The following CHRDL1 variants were observed in gnomAD, a reference collection of about 807,000 sequenced individuals.
The protein encoded by CHRDL1 is chordin-like protein 1.
In CHRDL1, 19 loss-of-function variants were observed where a neutral mutation model predicts 40.9. The ratio of observed to expected loss-of-function variants is 0.46; its 90% CI spans 0.32 to 0.68. The LOEUF is 0.68. Among genes scored for constraint, CHRDL1 ranks in the 30% least tolerant of loss-of-function variants. The pLI is 0.03. For synonymous variants in CHRDL1, 136 were observed against 123.4 expected (o/e 1.10, Z -0.68); for missense variants, 329 against 352.1 (o/e 0.93, Z 0.53).
At chrX:110,695,847 C>CT (rs1300849121) in intron 7 of CHRDL1, among the ~76,000 whole-genome samples, 1 of 111,928 alleles carries the variant, frequency 8.9e-6, no homozygotes, top group Non-Finnish European at 1.9e-5. Flanking sequence ...GTAAGAGGAC[C>CT]TTTTTTAGCC....
chrX:110,760,998 T>C lies in CHRDL1; in HGVS notation c.208-1244A>G, dbSNP rs2089553534. On this transcript the variant is annotated intron_variant, in intron 3 of 11. Coordinates refer to ENST00000372042, the MANE Select transcript of CHRDL1 (RefSeq NM_001143981.2). The stretch of plus-strand genomic sequence containing the variant: ...TGTTCTAGAGCTAATAGATTAATAA[T>C]AATAACGATGATGATGATAACCACA... Among the ~76,000 whole-genome samples the C allele has an allele frequency of 2.7e-5, 3 of 111,450 alleles. No individual in the cohort carries two copies. In the South Asian group the frequency reaches 1.1e-3, roughly 42 times the overall value.
At chrX:110,777,490 C>T (rs1360559928) in intron 2 of CHRDL1, among the ~76,000 whole-genome samples, 1 of 111,767 alleles carries the variant, frequency 8.9e-6, no homozygotes, top group Non-Finnish European at 1.9e-5. Flanking sequence ...TCCTGTTGCT[C>T]CACATCCTCA....
chrX:110,756,503 G>GT (rs1405339612), intron 4 of CHRDL1, among the ~76,000 whole-genome samples: 2,702 of 111,145 alleles, frequency 0.024, 86 homozygotes, highest in African/African-American at 0.083. Flanking sequence ...TGTAGATGAG[G>GT]CAGTTGTAGA....
chrX:110,721,403 G>A lies in CHRDL1; in HGVS notation c.429C>T (p.Cys143=), dbSNP rs150428213. The A allele has an allele frequency of 7.1e-5, 86 of 1,209,295 alleles. No individual in the cohort carries two copies. In the African/African-American group the frequency reaches 1.3e-3, roughly 19 times the overall value. The part of the protein sequence containing the change: ...GLFQNRQPNQ[C]TQCSCSEGNV... ...GTCTTACCGAACAGCTGCACTGGGTGCATTGATTGGGTTGCCGATTCTGAA... is the reference window on the plus strand; with the variant it reads ...GTCTTACCGAACAGCTGCACTGGGTACATTGATTGGGTTGCCGATTCTGAA... The change falls in exon 5 of 12, where the codon TGC becomes TGT. Residue 143 remains cysteine, a synonymous_variant. Transcript: ENST00000372042.
chrX:110,787,623 G>A (rs2090037480), intron 2 of CHRDL1, among the ~76,000 whole-genome samples: 1 of 111,948 alleles, frequency 8.9e-6, no homozygotes, highest in Non-Finnish European at 1.9e-5. Flanking sequence ...GGCTTCACAT[G>A]TTTCAAACTT....
chrX:110,783,999 GA>G (rs1278220622), intron 2 of CHRDL1, among the ~76,000 whole-genome samples: 1 of 111,515 alleles, frequency 9.0e-6, no homozygotes, highest in Non-Finnish European at 1.9e-5. Context: ...ATGGTCAGTG[GA>G]AAAAAAGATG....
intron 3 of CHRDL1, 133 bp from the exon 4 acceptor site, chrX:110,759,887 C>T: frequency 2.0e-6 from 1 of 488,603 alleles, no homozygotes; most frequent in Non-Finnish European, 3.7e-6. Context: ...TGAATGCATT[C>T]AACATTTTCT....
chrX:110,771,144 CAA>C (rs753915390), intron 2 of CHRDL1, among the ~76,000 whole-genome samples: 18 of 65,475 alleles, frequency 2.7e-4, no homozygotes, highest in African/African-American at 3.8e-4. Context: ...GACTCTGTCT[CAA>C]AAAAAAAAAA....
chrX:110,776,494 C>A (rs890887076), intron 2 of CHRDL1, among the ~76,000 whole-genome samples: 4 of 111,448 alleles, frequency 3.6e-5, no homozygotes, highest in African/African-American at 1.3e-4. Flanking sequence ...AAAATAAATT[C>A]TCTAAATACA....
At chrX:110,764,038 T>G (rs2089614387) in intron 2 of CHRDL1, among the ~76,000 whole-genome samples, 1 of 112,118 alleles carries the variant, frequency 8.9e-6, no homozygotes, top group Admixed American at 9.4e-5. Context: ...TGTTGGGCAT[T>G]TGTATATCTT....
chrX:110,785,265 C>T (rs937861112), intron 2 of CHRDL1, among the ~76,000 whole-genome samples: 1 of 111,797 alleles, frequency 8.9e-6, no homozygotes, highest in African/African-American at 3.3e-5. Flanking sequence ...ACTACAAGTG[C>T]ATTTTAGAGA....
chrX:110,688,636 C>A lies in CHRDL1; in HGVS notation c.946G>T (p.Asp316Tyr). ...RYPCKYPQKI[D>Y]GKCCKVCPGK... is the part of the protein sequence containing the mutation. ...GGACACACCTTGCAGCATTTTCCGT[C>A]TATTTTTTGAGGATACTTGCAGGGG... The change falls in exon 9 of 12, where the codon GAC becomes TAC. Residue 316 changes from aspartate (D) to tyrosine (Y), a missense_variant. Coordinates refer to ENST00000372042, the MANE Select transcript of CHRDL1 (RefSeq NM_001143981.2). The A allele has an allele frequency of 8.3e-7, 1 of 1,210,767 alleles. No individual in the cohort carries two copies.
At chrX:110,759,865 T>A (rs1426143171) in intron 3 of CHRDL1, 111 bp from the exon 4 acceptor site, 2 of 534,767 alleles carry the variant, frequency 3.7e-6, no homozygotes, top group Non-Finnish European at 6.7e-6. Context: ...GAATAATGCA[T>A]TCCCAAGAAG....
chrX:110,689,088 A>G (rs1216058970), intron 8 of CHRDL1, among the ~76,000 whole-genome samples: 2 of 84,412 alleles, frequency 2.4e-5, no homozygotes, highest in African/African-American at 4.4e-5. Flanking sequence ...ATATATATAT[A>G]TATATATATA....
chrX:110,774,038 A>C (rs2089804375), intron 2 of CHRDL1, among the ~76,000 whole-genome samples: 1 of 111,631 alleles, frequency 9.0e-6, no homozygotes. Context: ...TTTGCCTCAC[A>C]TATTTTGATG....
At chrX:110,693,176 G>T (rs950616091) in intron 8 of CHRDL1, among the ~76,000 whole-genome samples, 4 of 109,798 alleles carry the variant, frequency 3.6e-5, no homozygotes, top group African/African-American at 1.3e-4. Flanking sequence ...GGCAGGGGGC[G>T]GGTGGAGGCC....
intron 4 of CHRDL1, among the ~76,000 whole-genome samples, chrX:110,738,419 T>G (rs2071300041): frequency 9.0e-6 from 1 of 111,404 alleles, no homozygotes; most frequent in Non-Finnish European, 1.9e-5. Flanking sequence ...AAACAACATA[T>G]ATCATGAAGT....
At chrX:110,763,623 T>C (rs1292269706) in intron 2 of CHRDL1, among the ~76,000 whole-genome samples, 1 of 109,966 alleles carries the variant, frequency 9.1e-6, no homozygotes, top group Non-Finnish European at 1.9e-5. Context: ...TATATGTTTC[T>C]TTATCCACTC....
intron 7 of CHRDL1, among the ~76,000 whole-genome samples, chrX:110,696,863 T>C (rs1035347860): frequency 7.2e-5 from 8 of 111,168 alleles, no homozygotes. Flanking sequence ...AAGGATTTTC[T>C]GTTTGGGGGC....
Sources: gnomAD v4.1 joint callset for allele counts (sites outside exome capture counted in the v4.1 genomes callset) on GRCh38, gnomAD v4.1.1 for gene constraint, MANE v1.5 for transcripts, NCBI Gene and HGNC (gene_info 2026-07-23, HGNC 2026-07-21) for gene names.